The following TTC6 variants were observed in gnomAD, a reference collection of about 807,000 sequenced individuals.
TTC6 encodes tetratricopeptide repeat domain 6.
TTC6 carries 172 observed loss-of-function variants against 210.4 expected under a neutral mutation model. That is an observed-to-expected ratio of 0.82 (90% CI 0.72 to 0.93). The LOEUF is 0.93. TTC6 is among the 40% of genes least tolerant of loss of function. TTC6 has a pLI of 0.00. For synonymous variants in TTC6, 804 were observed against 819.6 expected, an observed-to-expected ratio of 0.98 and a Z score of 0.32; for missense variants, 2,414 against 2,318.1, an observed-to-expected ratio of 1.04 and a Z score of -0.85.
intron 1 of TTC6, among the ~76,000 whole-genome samples, chr14:37,596,246 G>T (rs2095604273): frequency 6.6e-6 from 1 of 152,254 alleles, no homozygotes. Context: ...TCTGGTTTCT[G>T]ATAGGAAAAG....
intron 1 of TTC6, among the ~76,000 whole-genome samples, chr14:37,647,870 G>C (rs1418627911): frequency 6.6e-6 from 1 of 152,058 alleles, no homozygotes; most frequent in Non-Finnish European, 1.5e-5. Context: ...TGGTAGAAGA[G>C]AAAAACCAGG....
At chr14:37,624,917 G>A (rs562559629) in intron 1 of TTC6, among the ~76,000 whole-genome samples, 13 of 152,102 alleles carry the variant, frequency 8.5e-5, no homozygotes, top group South Asian at 2.1e-4. Context: ...CACTGCGCCC[G>A]GCCCCACTTG....
chr14:37,734,102 A>G (rs2095895100), intron 7 of TTC6, among the ~76,000 whole-genome samples: 2 of 152,146 alleles, frequency 1.3e-5, no homozygotes. Flanking sequence ...GCATTATGGC[A>G]TTTTCTTCCT....
intron 4 of TTC6, among the ~76,000 whole-genome samples, chr14:37,699,682 G>A (rs1355253901): frequency 2.6e-5 from 4 of 152,194 alleles, no homozygotes; most frequent in Non-Finnish European, 4.4e-5. Flanking sequence ...TGCTGGCAGT[G>A]AGGATGGAGA....
At chr14:37,814,234 C>G (rs2096136365) in intron 25 of TTC6, among the ~76,000 whole-genome samples, 1 of 152,116 alleles carries the variant, frequency 6.6e-6, no homozygotes, top group Non-Finnish European at 1.5e-5. Flanking sequence ...TCATGCCACC[C>G]TGGCCTTTTC....
At chr14:37,632,864 T>C (rs1026462224) in intron 1 of TTC6, among the ~76,000 whole-genome samples, 1 of 152,188 alleles carries the variant, frequency 6.6e-6, no homozygotes, top group Non-Finnish European at 1.5e-5. Context: ...CAAGCTGTGG[T>C]GGGCTCTGCC....
At chr14:37,661,592 G>A (rs1184882437) in intron 1 of TTC6, among the ~76,000 whole-genome samples, 1 of 152,132 alleles carries the variant, frequency 6.6e-6, no homozygotes, top group African/African-American at 2.4e-5. Context: ...ATAGTTTGAA[G>A]TCTGGTAGCA....
Position 37,684,280 on chromosome 14 carries a change from C to G in TTC6, c.1257+1316C>G, listed in dbSNP as rs113820873. On this transcript the variant is annotated intron_variant, in intron 3 of 30. Coordinates refer to ENST00000553443, the Ensembl canonical transcript of TTC6. Reference sequence around the variant, plus strand: ...AGTGGTTATTCTTCATTTCTCAAGCCCTGTTTTCTCAGGTTTATCCTACAT... The same window carrying G: ...AGTGGTTATTCTTCATTTCTCAAGCGCTGTTTTCTCAGGTTTATCCTACAT... Among the ~76,000 whole-genome samples, 289 of 152,194 alleles carry G rather than the reference C, an allele frequency of 1.9e-3. 1 individual carries two copies. Among genetic ancestry groups the G allele is most frequent in the African/African-American group, 6.6e-3 (273 of 41,534 alleles).
At chr14:37,840,394 C>T (rs1246670102) in intron 29 of TTC6, among the ~76,000 whole-genome samples, 3 of 152,110 alleles carry the variant, frequency 2.0e-5, no homozygotes, top group African/African-American at 4.8e-5. Context: ...GATTCACAGC[C>T]GAATTCTGCC....
chr14:37,729,133 A>C (rs1380318702), intron 7 of TTC6, among the ~76,000 whole-genome samples: 1 of 152,148 alleles, frequency 6.6e-6, no homozygotes, highest in Admixed American at 6.5e-5. Flanking sequence ...ATTCCTAGTC[A>C]AAGTGTATGT....
chr14:37,803,940 A>T (rs182285746), intron 20 of TTC6, among the ~76,000 whole-genome samples: 1 of 152,340 alleles, frequency 6.6e-6, no homozygotes, highest in East Asian at 1.9e-4. Flanking sequence ...TAAGACAATT[A>T]AGAAGATGGT....
intron 1 of TTC6, among the ~76,000 whole-genome samples, chr14:37,604,672 A>C (rs1956429): frequency 1.3e-5 from 2 of 151,696 alleles, no homozygotes; most frequent in African/African-American, 4.8e-5. Context: ...GGCACCCGGG[A>C]AGGAGAGGGG....
intron 6 of TTC6, among the ~76,000 whole-genome samples, chr14:37,720,173 G>A (rs775702931): frequency 9.9e-5 from 15 of 152,048 alleles, no homozygotes; most frequent in Non-Finnish European, 1.6e-4. Context: ...TAAAATAATA[G>A]TGATAACACC....
intron 1 of TTC6, among the ~76,000 whole-genome samples, chr14:37,633,361 C>T (rs1343732520): frequency 2.0e-5 from 3 of 152,178 alleles, no homozygotes; most frequent in Non-Finnish European, 4.4e-5. Context: ...CTCACGGCTT[C>T]CCTTGACTAG....
intron 6 of TTC6, among the ~76,000 whole-genome samples, chr14:37,718,627 T>G (rs1352619138): frequency 6.6e-6 from 1 of 152,128 alleles, no homozygotes; most frequent in Non-Finnish European, 1.5e-5. Context: ...ACTGTCTACA[T>G]AGAAAATTCT....
At chr14:37,626,181 A>G (rs1249887225) in intron 1 of TTC6, among the ~76,000 whole-genome samples, 2 of 150,422 alleles carry the variant, frequency 1.3e-5, no homozygotes, top group African/African-American at 2.4e-5. Flanking sequence ...ATGGCAGGAG[A>G]AGTAGAAATG....
At chr14:37,807,212 A>T in intron 22 of TTC6, 108 bp from the exon 25 acceptor site, 1 of 1,035,516 alleles carries the variant, frequency 9.7e-7, no homozygotes, top group Non-Finnish European at 1.3e-6. Flanking sequence ...CTATATTTTA[A>T]TACCCTTTTT....
intron 7 of TTC6, among the ~76,000 whole-genome samples, chr14:37,727,514 T>C (rs9743482): frequency 0.056 from 7,209 of 128,266 alleles, 222 homozygotes; most frequent in African/African-American, 0.088. Flanking sequence ...AGGATGGTCT[T>C]GATCTCCTGA....
intron 23 of TTC6, among the ~76,000 whole-genome samples, chr14:37,807,695 T>A (rs2096121649): frequency 6.6e-6 from 1 of 152,166 alleles, no homozygotes; most frequent in Admixed American, 6.6e-5. Flanking sequence ...TTATTAAGAA[T>A]GTAGCATATA....
Sources: gnomAD v4.1 joint callset for allele counts (sites outside exome capture counted in the v4.1 genomes callset) on GRCh38, gnomAD v4.1.1 for gene constraint, MANE v1.5 for transcripts, NCBI Gene and HGNC (gene_info 2026-07-23, HGNC 2026-07-21) for gene names.